Variants in CNTNAP2 observed in about 807,000 individuals in gnomAD.
CNTNAP2 encodes contactin associated protein 2.
Under a neutral mutation model 155.2 loss-of-function variants are expected in CNTNAP2, and 98 were observed. The observed-to-expected ratio is 0.63, with a 90% CI of 0.54 to 0.75. The LOEUF is 0.75. Among genes scored for constraint, CNTNAP2 ranks in the 30% least tolerant of loss-of-function variants. The probability of loss-of-function intolerance (pLI) is 0.00; values close to 1 mark genes in which losing one functional copy is unlikely to be tolerated. For missense variants in CNTNAP2, 1,727 were observed against 1,688.1 expected (o/e 1.02, Z -0.40); for synonymous variants, 651 against 631.2 (o/e 1.03, Z -0.47).
At chr7:146,915,553 T>A (rs1365210246) in intron 3 of CNTNAP2, among the ~76,000 whole-genome samples, 2 of 151,884 alleles carry the variant, frequency 1.3e-5, no homozygotes, top group African/African-American at 2.4e-5. Flanking sequence ...TATTCTAAGT[T>A]TTTTTGTTCG....
intron 12 of CNTNAP2, among the ~76,000 whole-genome samples, chr7:147,575,576 G>A (rs895225794): frequency 6.6e-6 from 1 of 151,196 alleles, no homozygotes; most frequent in Admixed American, 6.6e-5. Context: ...GATTTAGAAG[G>A]CATATAAGTT....
chr7:146,685,389 CAG>C (rs761677471), intron 1 of CNTNAP2, among the ~76,000 whole-genome samples: 4 of 152,236 alleles, frequency 2.6e-5, no homozygotes, highest in Non-Finnish European at 4.4e-5. Flanking sequence ...CTGAATAGAA[CAG>C]AGAATTGCAT....
At chr7:147,778,773 A>C (rs181029140) in intron 13 of CNTNAP2, among the ~76,000 whole-genome samples, 208 of 152,310 alleles carry the variant, frequency 1.4e-3, no homozygotes, top group African/African-American at 4.8e-3. Flanking sequence ...GGTCTCCCAA[A>C]GTGCTGGGAT....
intron 13 of CNTNAP2, among the ~76,000 whole-genome samples, chr7:147,647,612 CT>C (rs1310764659): frequency 2.0e-5 from 3 of 151,998 alleles, no homozygotes; most frequent in Non-Finnish European, 4.4e-5. Context: ...TTAATGGGCT[CT>C]TTCTTACAAT....
intron 5 of CNTNAP2, among the ~76,000 whole-genome samples, chr7:147,113,538 TCC>T (rs1441340608): frequency 4.6e-5 from 7 of 151,356 alleles, no homozygotes; most frequent in Non-Finnish European, 1.0e-4. Flanking sequence ...AGCAAACACA[TCC>T]TTCTTCACAT....
chr7:147,673,139 A>G (rs1034178383), intron 13 of CNTNAP2: 1 of 152,200 alleles, frequency 6.6e-6, no homozygotes, highest in African/African-American at 2.4e-5. Flanking sequence ...AATGGTATCA[A>G]ATGAAGCATT....
chr7:146,505,829 A>C (rs80187481), intron 1 of CNTNAP2, among the ~76,000 whole-genome samples: 10,047 of 152,244 alleles, frequency 0.066, 828 homozygotes, highest in African/African-American at 0.19. Flanking sequence ...GGTCAGTGGC[A>C]CAGTGTAGCA....
chr7:146,865,735 A>G (rs1795192465), intron 3 of CNTNAP2, among the ~76,000 whole-genome samples: 2 of 152,174 alleles, frequency 1.3e-5, no homozygotes. Flanking sequence ...ATTTATTAGG[A>G]CAAAAAAGTA....
intron 1 of CNTNAP2, among the ~76,000 whole-genome samples, chr7:146,600,246 C>T (rs1046550775): frequency 9.2e-5 from 14 of 152,086 alleles, no homozygotes; most frequent in African/African-American, 3.1e-4. Flanking sequence ...AAATTACGGG[C>T]ATTTTCTTTT....
chr7:147,182,019 G>C (rs896285080), intron 8 of CNTNAP2, among the ~76,000 whole-genome samples: 1 of 151,526 alleles, frequency 6.6e-6, no homozygotes, highest in Non-Finnish European at 1.5e-5. Flanking sequence ...CAGCTACTCA[G>C]GAGGCTGAGG....
intron 21 of CNTNAP2, among the ~76,000 whole-genome samples, chr7:148,382,205 C>G (rs1048306821): frequency 6.6e-6 from 1 of 152,386 alleles, no homozygotes; most frequent in African/African-American, 2.4e-5. Flanking sequence ...TCTGCCAATG[C>G]TCACAGCCCC....
chr7:148,295,235 T>A (rs995959439), intron 21 of CNTNAP2, among the ~76,000 whole-genome samples: 1 of 152,194 alleles, frequency 6.6e-6, no homozygotes, highest in Non-Finnish European at 1.5e-5. Context: ...TGATAAGAAA[T>A]TTATCATTGG....
At chr7:146,807,785 A>AT (rs910576915) in intron 2 of CNTNAP2, among the ~76,000 whole-genome samples, 7 of 152,052 alleles carry the variant, frequency 4.6e-5, no homozygotes, top group Admixed American at 3.9e-4. Flanking sequence ...CTGCTAAAAA[A>AT]ATATATATGT....
intron 3 of CNTNAP2, among the ~76,000 whole-genome samples, chr7:146,840,384 A>G: frequency 6.6e-6 from 1 of 152,322 alleles, no homozygotes; most frequent in Non-Finnish European, 1.5e-5. Flanking sequence ...TTCCTTTATT[A>G]TGAAAGAAGA....
At chr7:147,288,308 C>T (rs913157318) in intron 8 of CNTNAP2, among the ~76,000 whole-genome samples, 6 of 152,188 alleles carry the variant, frequency 3.9e-5, no homozygotes, top group African/African-American at 1.4e-4. Flanking sequence ...TCCCTGAGGG[C>T]AGGGGCCTTG....
intron 10 of CNTNAP2, among the ~76,000 whole-genome samples, chr7:147,446,419 T>C (rs1797741247): frequency 6.6e-6 from 1 of 152,212 alleles, no homozygotes; most frequent in Non-Finnish European, 1.5e-5. Context: ...TGGTTGCTGG[T>C]TTGAAACAAT....
intron 1 of CNTNAP2, among the ~76,000 whole-genome samples, chr7:146,297,218 A>C (rs192318445): frequency 6.6e-6 from 1 of 152,228 alleles, no homozygotes; most frequent in Non-Finnish European, 1.5e-5. Flanking sequence ...AAAATCATTA[A>C]TTTCCCAGTG....
At chr7:146,664,157 C>CTTTTT (rs35241151) in intron 1 of CNTNAP2, among the ~76,000 whole-genome samples, 3 of 68,452 alleles carry the variant, frequency 4.4e-5, no homozygotes, top group East Asian at 4.2e-4. Context: ...CAATAAATTC[C>CTTTTT]TTTTTTTTTT....
intron 9 of CNTNAP2, among the ~76,000 whole-genome samples, chr7:147,301,119 TG>T (rs1419649637): frequency 6.6e-6 from 1 of 152,182 alleles, no homozygotes; most frequent in African/African-American, 2.4e-5. Flanking sequence ...CATTGATTCC[TG>T]GGTGCCATTT....
Sources: allele counts gnomAD v4.1 joint callset (sites outside exome capture counted in the v4.1 genomes callset), GRCh38; gene constraint gnomAD v4.1.1; transcripts MANE v1.5; gene names NCBI Gene and HGNC (gene_info 2026-07-23, HGNC 2026-07-21).